RGS20: variants seen among roughly 807,000 people sequenced by gnomAD.
RGS20 encodes regulator of G protein signaling 20, also known as gz-selective GTPase-activating protein.
Under a neutral mutation model 33.6 loss-of-function variants are expected in RGS20, and 30 were observed. The observed-to-expected ratio is 0.89, with a 90% CI of 0.67 to 1.21. The LOEUF is 1.21. Among genes scored for constraint, RGS20 ranks in the 50% most tolerant of loss-of-function variants. The pLI, the probability that RGS20 is intolerant of heterozygous loss-of-function variation, is 0.00. For synonymous variants in RGS20, 208 were observed against 197.9 expected, an observed-to-expected ratio of 1.05 and a Z score of -0.43; for missense variants, 472 against 502.4, an observed-to-expected ratio of 0.94 and a Z score of 0.58.
At chr8:53,934,111 C>T (rs937929208) in intron 2 of RGS20, among the ~76,000 whole-genome samples, 1 of 152,066 alleles carries the variant, frequency 6.6e-6, no homozygotes, top group Admixed American at 6.6e-5. Context: ...GAAGGACGTA[C>T]TACACACGGA....
intron 2 of RGS20, among the ~76,000 whole-genome samples, chr8:53,929,713 C>T (rs1813901501): frequency 6.6e-6 from 1 of 152,148 alleles, no homozygotes; most frequent in South Asian, 2.1e-4. Flanking sequence ...TTACCTTTGA[C>T]TTCTAATGGC....
chr8:53,956,490 A>C (rs7815516), intron 5 of RGS20, among the ~76,000 whole-genome samples: 6,658 of 152,240 alleles, frequency 0.044, 474 homozygotes, highest in African/African-American at 0.15. Context: ...CTAATTCAGG[A>C]GTCCAAAGGG....
chr8:53,953,588 C>T (rs10958393), intron 4 of RGS20, among the ~76,000 whole-genome samples: 84,659 of 151,678 alleles, frequency 0.56, 24,385 homozygotes, highest in East Asian at 0.85. Context: ...ATAACTTGCA[C>T]TTATACTACA....
intron 2 of RGS20, among the ~76,000 whole-genome samples, chr8:53,930,996 A>C (rs1813943012): frequency 6.6e-6 from 1 of 152,120 alleles, no homozygotes; most frequent in Non-Finnish European, 1.5e-5. Context: ...AGGTGAGGTG[A>C]AGACGTGATC....
Position 53,927,530 on chromosome 8 carries a change from C to T in RGS20, c.511-12046C>T, listed in dbSNP as rs116527807. On this transcript the variant is annotated intron_variant, in intron 2 of 5. Transcript: ENST00000297313. ...CTCAGGCTGCTTTTGAAATCCCACA[C>T]ATGTTAGCATATGAGGATGCTAACA... Among the ~76,000 whole-genome samples, 721 of 152,160 alleles carry T rather than the reference C, an allele frequency of 4.7e-3. 7 individuals carry two copies. Among genetic ancestry groups the T allele is most frequent in the African/African-American group, 0.016 (678 of 41,514 alleles).
chr8:53,879,132 GCTTTCACCGAC>G, intron 1 of RGS20: 3 of 742,650 alleles, frequency 4.0e-6, no homozygotes, highest in Non-Finnish European at 6.9e-6. Context: ...CTTTCCTTCT[GCTTTCACCGAC>G]CTTCTCTTGC....
chr8:53,881,484 C>T (rs1471533929), intron 2 of RGS20, among the ~76,000 whole-genome samples: 1 of 152,114 alleles, frequency 6.6e-6, no homozygotes, highest in Non-Finnish European at 1.5e-5. Flanking sequence ...TCGGCTTTCT[C>T]ACGGGATAGG....
intron 2 of RGS20, among the ~76,000 whole-genome samples, chr8:53,921,218 C>T (rs762750424): frequency 8.3e-4 from 126 of 152,186 alleles, no homozygotes; most frequent in Non-Finnish European, 1.4e-3. Context: ...ATTCCGTTTG[C>T]TAGTATTTTA....
At chr8:53,871,729 CAT>C (rs1047620367) in intron 1 of RGS20, among the ~76,000 whole-genome samples, 4 of 152,184 alleles carry the variant, frequency 2.6e-5, no homozygotes, top group African/African-American at 7.2e-5. Context: ...AAAACACACA[CAT>C]GATTGTGTTG....
intron 2 of RGS20, among the ~76,000 whole-genome samples, chr8:53,886,534 C>A (rs1812552550): frequency 6.6e-6 from 1 of 152,188 alleles, no homozygotes; most frequent in African/African-American, 2.4e-5. Context: ...TCTAGTTACG[C>A]ATTTATTTTA....
chr8:53,884,735 T>C (rs1812490690), intron 2 of RGS20, among the ~76,000 whole-genome samples: 2 of 152,132 alleles, frequency 1.3e-5, no homozygotes, highest in African/African-American at 4.8e-5. Context: ...ATAGAAAGTA[T>C]AAATAAGGAA....
intron 2 of RGS20, among the ~76,000 whole-genome samples, chr8:53,884,476 G>GA (rs1312750191): frequency 4.6e-5 from 7 of 152,240 alleles, no homozygotes; most frequent in Non-Finnish European, 1.0e-4. Flanking sequence ...ACTTGTCTGA[G>GA]ATCACTGTAA....
At chr8:53,854,214 GA>G (rs756664174) in intron 1 of RGS20, among the ~76,000 whole-genome samples, 18 of 151,748 alleles carry the variant, frequency 1.2e-4, no homozygotes, top group African/African-American at 3.4e-4. Flanking sequence ...ATCCGTTCAA[GA>G]AAAAAAATCA....
At chr8:53,909,191 A>T (rs1329334141) in intron 2 of RGS20, among the ~76,000 whole-genome samples, 3 of 114,762 alleles carry the variant, frequency 2.6e-5, no homozygotes, top group African/African-American at 1.0e-4. Flanking sequence ...GTACTCTATT[A>T]TCCATTATGG....
In RGS20 at chr8:53,909,174, A is replaced by G. The variant is rs977749671; in HGVS notation, c.510+29572A>G. On this transcript the variant is annotated intron_variant, in intron 2 of 5. Transcript: ENST00000297313. ...GTAGTGGTGGTACTGGGTCCATTTG[A>G]TTCTGAGTACTCTATTATCCATTAT... Among the ~76,000 whole-genome samples, 10 of 115,588 alleles carry G rather than the reference A, an allele frequency of 8.7e-5. No homozygotes were observed. The East Asian group carries it at 1.3e-3, about 15-fold the overall frequency. The allele number at this position is 115,588 out of a possible 152,430, so 75.8% of individuals were successfully genotyped here. A position where few individuals can be genotyped will look rare whatever the true frequency, so the allele number is the denominator to read the frequency against.
chr8:53,925,779 T>C (rs10504159), intron 2 of RGS20, among the ~76,000 whole-genome samples: 7,364 of 151,752 alleles, frequency 0.049, 476 homozygotes, highest in African/African-American at 0.15. Flanking sequence ...TCAAGGTCAG[T>C]GTCTAAAGCA....
intron 2 of RGS20, among the ~76,000 whole-genome samples, chr8:53,917,045 T>C (rs1167815674): frequency 6.6e-6 from 1 of 152,204 alleles, no homozygotes; most frequent in East Asian, 1.9e-4. Flanking sequence ...AATTTTGTGG[T>C]AGACATAAAC....
In RGS20 at chr8:53,921,870, T is replaced by G. The variant is rs192744301; in HGVS notation, c.511-17706T>G. 3.4e-5 allele frequency among the ~76,000 whole-genome samples: 5 copies of G among 145,252 alleles called. No individual in the cohort carries two copies. The East Asian group carries it at 7.9e-4, about 23-fold the overall frequency. On this transcript the variant is annotated intron_variant, in intron 2 of 5. Coordinates refer to ENST00000297313, the MANE Select transcript of RGS20 (RefSeq NM_170587.4). ...TCCATTGTGTTTGGAAAACATACTT[T>G]GTATTATAATAATGATTTTAAATCT...
At chr8:53,891,880 T>G (rs1390700368) in intron 2 of RGS20, among the ~76,000 whole-genome samples, 1 of 148,144 alleles carries the variant, frequency 6.8e-6, no homozygotes, top group Non-Finnish European at 1.5e-5. Flanking sequence ...TAGGCCCAGA[T>G]TTTTTTTTAA....
Sources: gnomAD v4.1 joint callset for allele counts (sites outside exome capture counted in the v4.1 genomes callset) on GRCh38, gnomAD v4.1.1 for gene constraint, MANE v1.5 for transcripts, NCBI Gene and HGNC (gene_info 2026-07-23, HGNC 2026-07-21) for gene names.